Variants in CACNA1C observed in about 807,000 individuals in gnomAD.
CACNA1C encodes the protein voltage-dependent L-type calcium channel subunit alpha-1C.
In CACNA1C, 30 loss-of-function variants were observed where a neutral mutation model predicts 229.0. The ratio of observed to expected loss-of-function variants is 0.13; its 90% CI spans 0.10 to 0.18. The LOEUF (loss-of-function observed/expected upper bound fraction) is 0.18, where lower values mean the gene tolerates loss of function less well. Ranked by LOEUF, CACNA1C falls within the 10% of genes least tolerant of loss-of-function variation. The pLI is 1.00. For synonymous variants in CACNA1C, 1,114 were observed against 1,132.5 expected, an observed-to-expected ratio of 0.98 and a Z score of 0.33; for missense variants, 1,658 against 2,845.0, an observed-to-expected ratio of 0.58 and a Z score of 9.49.
chr12:2,123,172 C>T (rs750391971), intron 3 of CACNA1C, among the ~76,000 whole-genome samples: 133 of 151,980 alleles, frequency 8.8e-4, no homozygotes, highest in Admixed American at 8.4e-3. Flanking sequence ...GTCAGGAGAT[C>T]GAGACCAGCC....
intron 3 of CACNA1C, among the ~76,000 whole-genome samples, chr12:2,197,050 A>G (rs1044285494): frequency 7.9e-5 from 12 of 151,992 alleles, no homozygotes; most frequent in African/African-American, 2.9e-4. Context: ...TGCAATGCCT[A>G]CCTCCAGAGC....
chr12:2,622,662 T>TA (rs1228769840), intron 29 of CACNA1C, among the ~76,000 whole-genome samples: 1 of 152,194 alleles, frequency 6.6e-6, no homozygotes, highest in African/African-American at 2.4e-5. Flanking sequence ...TTCTTTGCTA[T>TA]AAAAAACACA....
chr12:2,325,385 T>C (rs917975013), intron 3 of CACNA1C, among the ~76,000 whole-genome samples: 1 of 152,254 alleles, frequency 6.6e-6, no homozygotes, highest in Admixed American at 6.5e-5. Flanking sequence ...AGAGGCAACG[T>C]GTTTTAACAG....
At position 2,108,227 on chromosome 12, in the gene CACNA1C, G is replaced by T. The variant is rs1415038557; in HGVS notation, c.50-6997G>T. ...GGAAAGATAGTACAGGAATTTAGGG[G>T]CTTATACAATAATTGGAAATGCTGC... is the stretch of plus-strand genomic sequence containing the variant. On this transcript the variant is annotated intron_variant, in intron 1 of 46. Transcript: ENST00000399655. This position sits in a 1 kb window ranked among gnomAD's most constrained non-coding sequence, Gnocchi z 5.3. 6.6e-6 allele frequency among the ~76,000 whole-genome samples: 1 copy of T among 152,192 alleles called. No homozygotes were observed. Among genetic ancestry groups the T allele is most frequent in the Non-Finnish European group, 1.5e-5 (1 of 68,030 alleles).
chr12:2,589,717 G>A (rs1024698564), intron 18 of CACNA1C, among the ~76,000 whole-genome samples: 1 of 152,112 alleles, frequency 6.6e-6, no homozygotes, highest in Non-Finnish European at 1.5e-5. Flanking sequence ...TGTGAATAAA[G>A]AGCAGTGGTG....
chr12:2,620,761 C>G (rs566982498), intron 29 of CACNA1C, among the ~76,000 whole-genome samples: 1 of 152,200 alleles, frequency 6.6e-6, no homozygotes, highest in Non-Finnish European at 1.5e-5. Context: ...CACACATTTG[C>G]AATGGGAAGA....
chr12:2,130,123 C>T (rs962266008), intron 3 of CACNA1C, among the ~76,000 whole-genome samples: 2 of 150,918 alleles, frequency 1.3e-5, no homozygotes, highest in African/African-American at 2.4e-5. Flanking sequence ...TCAGCCCTTA[C>T]GCTGCTGGCA....
At chr12:2,284,728 G>A (rs2092337944) in intron 3 of CACNA1C, among the ~76,000 whole-genome samples, 1 of 152,240 alleles carries the variant, frequency 6.6e-6, no homozygotes, top group African/African-American at 2.4e-5. Context: ...TGACTGAGTG[G>A]CAGTTGGACG....
At chr12:2,058,217 C>T (rs2154513991) in intron 1 of CACNA1C, among the ~76,000 whole-genome samples, 1 of 152,314 alleles carries the variant, frequency 6.6e-6, no homozygotes, top group East Asian at 1.9e-4. Context: ...GCAGCACTTT[C>T]TTCCTTTTAC....
At chr12:2,297,113 C>T (rs2094116917) in intron 3 of CACNA1C, among the ~76,000 whole-genome samples, 1 of 152,188 alleles carries the variant, frequency 6.6e-6, no homozygotes, top group Admixed American at 6.5e-5. Context: ...AAAGAAACCG[C>T]TCAGTAATAG....
At chr12:2,306,209 A>C (rs1317807308) in intron 3 of CACNA1C, among the ~76,000 whole-genome samples, 1 of 152,166 alleles carries the variant, frequency 6.6e-6, no homozygotes, top group South Asian at 2.1e-4. Flanking sequence ...ATACTTCCGG[A>C]AGCTGTGGTT....
At chr12:2,584,053 C>G (rs533155317) in intron 15 of CACNA1C, among the ~76,000 whole-genome samples, 1 of 152,206 alleles carries the variant, frequency 6.6e-6, no homozygotes, top group South Asian at 2.1e-4. Context: ...CAAGGGTCTT[C>G]GTGGGTGCAG....
chr12:2,146,836 A>G (rs993858388), intron 3 of CACNA1C, among the ~76,000 whole-genome samples: 3 of 150,876 alleles, frequency 2.0e-5, no homozygotes, highest in African/African-American at 7.3e-5. Flanking sequence ...GCCTTTAATC[A>G]TCCAAGGTGA....
intron 1 of CACNA1C, among the ~76,000 whole-genome samples, chr12:1,974,367 C>T (rs1053020624): frequency 6.6e-6 from 1 of 152,144 alleles, no homozygotes; most frequent in Non-Finnish European, 1.5e-5. Context: ...TTGCTTCAAA[C>T]ACTTTACCTT....
At chr12:2,194,278 G>GCTCCTATCCCTCCTC (rs2097334172) in intron 3 of CACNA1C, among the ~76,000 whole-genome samples, 1 of 110,998 alleles carries the variant, frequency 9.0e-6, no homozygotes, top group Non-Finnish European at 1.8e-5. Context: ...TCCTCCTCCT[G>GCTCCTATCCCTCCTC]CTCCTATCCC....
At chr12:2,279,180 A>G (rs2090120574) in intron 3 of CACNA1C, among the ~76,000 whole-genome samples, 1 of 151,932 alleles carries the variant, frequency 6.6e-6, no homozygotes, top group African/African-American at 2.4e-5. Context: ...ATTTTATCTC[A>G]GTCTGTGTCA....
In CACNA1C at chr12:2,690,808, A is replaced by G. The variant is rs371907531; in HGVS notation, c.6118-92A>G. 139 of 1,284,506 alleles carry G rather than the reference A, an allele frequency of 1.1e-4. 1 individual carries two copies. The African/African-American group carries it at 1.9e-3, about 18-fold the overall frequency. 79.6% of individuals were successfully genotyped at this position (1,284,506 alleles called of 1,614,324 possible). A position where few individuals can be genotyped will look rare whatever the true frequency, so the allele number is the denominator to read the frequency against. On this transcript the variant is annotated intron_variant, in intron 46 of 46. Transcript: ENST00000399655. Reference sequence around the variant, plus strand: ...CGCACACTTCCCCAAGTGACCTACCAGATACCCCCTCGCTCTAGCCCTCAA... The same window carrying G: ...CGCACACTTCCCCAAGTGACCTACCGGATACCCCCTCGCTCTAGCCCTCAA...
At chr12:2,282,880 T>C (rs1377867441) in intron 3 of CACNA1C, among the ~76,000 whole-genome samples, 1 of 152,232 alleles carries the variant, frequency 6.6e-6, no homozygotes, top group East Asian at 1.9e-4. Flanking sequence ...TTCCACTTCC[T>C]TATACTAAGT....
At chr12:1,976,018 T>C (rs1275094033) in intron 1 of CACNA1C, among the ~76,000 whole-genome samples, 1 of 152,102 alleles carries the variant, frequency 6.6e-6, no homozygotes, top group African/African-American at 2.4e-5. Flanking sequence ...AAAATAGAAA[T>C]ACGAAATCCA....
Sources: allele counts gnomAD v4.1 joint callset (sites outside exome capture counted in the v4.1 genomes callset), GRCh38; gene constraint gnomAD v4.1.1; non-coding constraint Gnocchi (gnomAD v3.1); transcripts MANE v1.5; gene names NCBI Gene and HGNC (gene_info 2026-07-23, HGNC 2026-07-21).